The following MUC20 variants were observed in gnomAD, a reference collection of about 807,000 sequenced individuals.
The protein encoded by MUC20 is mucin 20, cell surface associated.
MUC20 carries 14 observed loss-of-function variants against 23.8 expected under a neutral mutation model. The ratio of observed to expected loss-of-function variants is 0.59; its 90% CI spans 0.39 to 0.92. MUC20 has a LOEUF of 0.92. Ranked by LOEUF, MUC20 falls within the 40% of genes least tolerant of loss-of-function variation. MUC20 has a pLI of 0.00. For synonymous variants in MUC20, 166 were observed against 279.3 expected (o/e 0.59, Z 4.04); for missense variants, 375 against 668.8 (o/e 0.56, Z 4.85).
intron 2 of MUC20, among the ~76,000 whole-genome samples, chr3:195,728,765 TA>T (rs2148704749): frequency 6.6e-6 from 1 of 152,218 alleles, no homozygotes; most frequent in South Asian, 2.1e-4. Flanking sequence ...GCTTGGACAA[TA>T]ACCTGCTTTC....
In MUC20 at chr3:195,726,497, G is replaced by A. The variant is rs1441326700; in HGVS notation, c.1894G>A (p.Ala632Thr). The change falls in exon 2 of 4, where the codon GCG becomes ACG. Residue 632 changes from alanine (A) to threonine (T), a missense_variant. By Grantham distance (58) the Ala-to-Thr change is moderately conservative. Around this residue, in one of 4 missense-constraint regions of MUC20, gnomAD observed 343 missense variants for 340.2 expected, o/e 1.01. Transcript: ENST00000447234. ...CACCTTAGCCAAGATCACAACCTCAGCGAAGACCACGATGAAGCCCCCAAC... is the reference window on the plus strand; with the variant it reads ...CACCTTAGCCAAGATCACAACCTCAACGAAGACCACGATGAAGCCCCCAAC... Reference protein sequence around the residue: ...NSTLAKITTSAKTTMKPPTAT... With the variant: ...NSTLAKITTSTKTTMKPPTAT... 6.2e-7 allele frequency: 1 copy of A among 1,614,078 alleles called. No homozygotes were observed. Among genetic ancestry groups the A allele is most frequent in the Middle Eastern group, 1.6e-4 (1 of 6,062 alleles).
intron 3 of MUC20, among the ~76,000 whole-genome samples, chr3:195,730,330 C>T (rs896477667): frequency 2.2e-3 from 329 of 152,176 alleles, no homozygotes; most frequent in African/African-American, 7.6e-3. Flanking sequence ...ATTTTCTTTT[C>T]TTTTTTCTTT....
Position 195,733,498 on chromosome 3 carries a change from G to T in MUC20, c.*280G>T. 1.5e-6 allele frequency: 2 copies of T among 1,378,956 alleles called. No individual in the cohort carries two copies. Among genetic ancestry groups the T allele is most frequent in the South Asian group, 1.8e-5 (1 of 55,866 alleles). The allele number at this position is 1,378,956 out of a possible 1,614,324, so 85.4% of individuals were successfully genotyped here. A position where few individuals can be genotyped will look rare whatever the true frequency, so the allele number is the denominator to read the frequency against. Reference sequence around the variant, plus strand: ...TCTGTGTTTCAGTAAAGAGAGACCTGATCACCCATCTGTGTGCTTCCATCC... The same window carrying T: ...TCTGTGTTTCAGTAAAGAGAGACCTTATCACCCATCTGTGTGCTTCCATCC... On this transcript the variant is annotated 3_prime_UTR_variant, in exon 4 of 4. Transcript: ENST00000447234.
Position 195,726,056 on chromosome 3 carries a change from G to A in MUC20, c.1453G>A (p.Gly485Ser), listed in dbSNP as rs201867992. The change falls in exon 2 of 4, where the codon GGC becomes AGC. Residue 485 changes from glycine (G) to serine (S), a missense_variant. This residue lies in a region of MUC20 where 343 missense variants were observed against 340.2 expected (regional missense o/e 1.01). Transcript: ENST00000447234. ...CTCTGCCGAGACCCTGTCCACAGCC[G>A]GCACCACAGAGTCAGCTGCACCTGA... ...TASAETLSTA[G>S]TTESAAPDAT... 1.3e-4 allele frequency: 203 copies of A among 1,613,720 alleles called. No homozygotes were observed. The highest frequency in any genetic ancestry group is 1.2e-4 in the Non-Finnish European group (147 of 1,179,776).
Position 195,733,358 on chromosome 3 carries a change from A to C in MUC20, c.*140A>C. 1 of 1,497,172 alleles carries C rather than the reference A, an allele frequency of 6.7e-7. No individual in the cohort carries two copies. Among genetic ancestry groups the C allele is most frequent in the Non-Finnish European group, 8.9e-7 (1 of 1,120,848 alleles). 92.7% of individuals were successfully genotyped at this position (1,497,172 alleles called of 1,614,324 possible). On this transcript the variant is annotated 3_prime_UTR_variant, in exon 4 of 4. Transcript: ENST00000447234. ...GTTCCCATGAAGGGCAGCATGTCCA[A>C]GCCCCTGACCCCAGATGTGGCAACA...
intron 1 of MUC20, chr3:195,722,328 G>A: frequency 1.0e-6 from 1 of 984,882 alleles, no homozygotes; most frequent in African/African-American, 1.8e-5. Flanking sequence ...TGCACCCCGT[G>A]GCCTCCTGCC....
chr3:195,726,800 G>A (rs111495377), intron 2 of MUC20, among the ~76,000 whole-genome samples: 5,324 of 151,612 alleles, frequency 0.035, 35 homozygotes, highest in South Asian at 0.047. Context: ...AATGGTTTGC[G>A]GTCTCGGCTC....
At chr3:195,732,349 T>A (rs1385518116) in intron 3 of MUC20, among the ~76,000 whole-genome samples, 1 of 142,920 alleles carries the variant, frequency 7.0e-6, no homozygotes, top group African/African-American at 2.5e-5. Flanking sequence ...TTTCTTTCTC[T>A]TTTTCTTTTC....
Position 195,725,968 on chromosome 3 carries a change from C to T in MUC20, c.1365C>T (p.Thr455=), listed in dbSNP as rs755047296. The part of the protein sequence containing the change: ...IPTEGVKASS[T]SDPPALPDST... ...CGGAAGGGGTGAAGGCCTCGTCCAC[C>T]TCCGATCCACCAGCTCTGCCTGACT... The change falls in exon 2 of 4, where the codon ACC becomes ACT. Residue 455 remains threonine, a synonymous_variant. Transcript: ENST00000447234. 19 of 1,613,968 alleles carry T rather than the reference C, an allele frequency of 1.2e-5. No individual in the cohort carries two copies. The highest frequency in any genetic ancestry group is 5.5e-5 in the South Asian group (5 of 91,068).
intron 3 of MUC20, 112 bp from the exon 4 acceptor site, chr3:195,733,038 G>C (rs1713556855): frequency 8.6e-7 from 1 of 1,157,660 alleles, no homozygotes; most frequent in Non-Finnish European, 1.3e-6. Flanking sequence ...GGCCCAGGAA[G>C]GGTTGCCGTC....
intron 3 of MUC20, among the ~76,000 whole-genome samples, chr3:195,732,577 C>T (rs1036557085): frequency 6.6e-6 from 1 of 152,180 alleles, no homozygotes; most frequent in Non-Finnish European, 1.5e-5. Flanking sequence ...TCAGGCTGGT[C>T]TCGAACTCCT....
intron 2 of MUC20, among the ~76,000 whole-genome samples, chr3:195,728,254 A>G (rs534318401): frequency 7.2e-5 from 11 of 152,406 alleles, no homozygotes; most frequent in Non-Finnish European, 1.2e-4. Context: ...CACCGGCACC[A>G]GTCTCTGAGT....
At chr3:195,730,705 A>G (rs941992612) in intron 3 of MUC20, among the ~76,000 whole-genome samples, 2 of 152,214 alleles carry the variant, frequency 1.3e-5, no homozygotes, top group Admixed American at 6.5e-5. Flanking sequence ...ATGGCCTGCA[A>G]GGGTCACCAT....
chr3:195,728,412 C>G (rs918821386), intron 2 of MUC20, among the ~76,000 whole-genome samples: 4 of 152,276 alleles, frequency 2.6e-5, no homozygotes, highest in East Asian at 1.9e-4. Flanking sequence ...AGATACTATG[C>G]CTGGATGTGC....
In MUC20 at chr3:195,733,141, G is replaced by A; in HGVS notation, c.2062-9G>A. On this transcript the variant is annotated splice_polypyrimidine_tract_variant and intron_variant, in intron 3 of 3. Transcript: ENST00000447234. ...GGCTGAAAGGACAGCTGGCTCTTTT[G>A]CTCTCCAGCTCCACCGGGAACTCCA... is the stretch of plus-strand genomic sequence containing the variant. The A allele has an allele frequency of 6.3e-7, 1 of 1,581,392 alleles. No homozygotes were observed. Among genetic ancestry groups the A allele is most frequent in the African/African-American group, 1.3e-5 (1 of 74,362 alleles).
At position 195,733,333 on chromosome 3, in the gene MUC20, G is replaced by C. The variant is rs549083769; in HGVS notation, c.*115G>C. On this transcript the variant is annotated 3_prime_UTR_variant, in exon 4 of 4. Coordinates refer to ENST00000447234, the MANE Select transcript of MUC20 (RefSeq NM_001282506.2). The stretch of plus-strand genomic sequence containing the variant: ...TACTGTGCTGAGAGGTACCCAGAAG[G>C]TTCCCATGAAGGGCAGCATGTCCAA... 2 of 1,518,492 alleles carry C rather than the reference G, an allele frequency of 1.3e-6. No homozygotes were observed. The highest frequency in any genetic ancestry group is 1.4e-5 in the African/African-American group (1 of 72,422). The allele number at this position is 1,518,492 out of a possible 1,614,324, so 94.1% of individuals were successfully genotyped here. A position where few individuals can be genotyped will look rare whatever the true frequency, so the allele number is the denominator to read the frequency against.
At position 195,726,571 on chromosome 3, in the gene MUC20, A is replaced by G. The variant is rs749594963; in HGVS notation, c.1968A>G (p.Ala656=). ...CGAGGCCGACCACAGACGTGAGTGC[A>G]GGTAAGTGGCTCCTGCTGGTGATCT... ...ARTRPTTDVS[A]GENGGFLLLR... is the part of the protein sequence containing the mutation. Residue 656 remains alanine, a splice_region_variant and synonymous_variant, in exon 2 of 4, where the codon GCA becomes GCG. Coordinates refer to ENST00000447234, the MANE Select transcript of MUC20 (RefSeq NM_001282506.2). 1.2e-6 allele frequency: 2 copies of G among 1,606,474 alleles called. No individual in the cohort carries two copies. The highest frequency in any genetic ancestry group is 2.7e-5 in the African/African-American group (2 of 74,736).
intron 3 of MUC20, among the ~76,000 whole-genome samples, chr3:195,732,083 A>G (rs1274418659): frequency 1.3e-5 from 2 of 152,250 alleles, no homozygotes; most frequent in Non-Finnish European, 2.9e-5. Flanking sequence ...GGCTCACCAC[A>G]ACCTCCGCCT....
intron 3 of MUC20, among the ~76,000 whole-genome samples, chr3:195,731,081 C>T (rs910741956): frequency 9.9e-5 from 15 of 152,248 alleles, no homozygotes; most frequent in African/African-American, 3.6e-4. Context: ...ACCGTGAAAA[C>T]AGGCCCAGTG....
Sources: gnomAD v4.1 joint callset for allele counts (sites outside exome capture counted in the v4.1 genomes callset) on GRCh38, gnomAD v4.1.1 for gene constraint, gnomAD v4.1.1 regional missense constraint, MANE v1.5 for transcripts, NCBI Gene and HGNC (gene_info 2026-07-23, HGNC 2026-07-21) for gene names.